Variants in APBA1 observed in about 807,000 individuals in gnomAD.
The protein encoded by APBA1 is amyloid beta precursor protein binding family A member 1.
A neutral mutation model predicts 86.6 loss-of-function variants in APBA1; 55 were observed. That is an observed-to-expected ratio of 0.64 (90% CI 0.51 to 0.80). APBA1 has a LOEUF of 0.80. APBA1 is among the 30% of genes least tolerant of loss of function. The pLI, the probability that APBA1 is intolerant of heterozygous loss-of-function variation, is 0.00. For synonymous variants in APBA1, 511 were observed against 493.9 expected, an observed-to-expected ratio of 1.03 and a Z score of -0.46; for missense variants, 1,090 against 1,183.0, an observed-to-expected ratio of 0.92 and a Z score of 1.15.
chr9:69,563,337 T>C (rs1346627719), intron 1 of APBA1, among the ~76,000 whole-genome samples: 1 of 151,942 alleles, frequency 6.6e-6, no homozygotes, highest in African/African-American at 2.4e-5. Flanking sequence ...ACTAAATTTC[T>C]CTACTTTTAC....
At chr9:69,460,842 G>C (rs1382383572) in intron 5 of APBA1, 1 of 151,984 alleles carries the variant, frequency 6.6e-6, no homozygotes, top group African/African-American at 2.4e-5. Flanking sequence ...CAATTCTCGT[G>C]CCTCAGCCTC....
chr9:69,659,570 GT>G (rs1448777395), intron 1 of APBA1, among the ~76,000 whole-genome samples: 1 of 152,078 alleles, frequency 6.6e-6, no homozygotes, highest in African/African-American at 2.4e-5. Context: ...TTTGAAAACA[GT>G]CTTTGCACTG....
chr9:69,655,324 A>ATATGTG (rs199513029), intron 1 of APBA1, among the ~76,000 whole-genome samples: 2,859 of 152,284 alleles, frequency 0.019, 32 homozygotes, highest in Non-Finnish European at 0.029. Context: ...ATGTGTGTAT[A>ATATGTG]TATATATGTA....
intron 1 of APBA1, among the ~76,000 whole-genome samples, chr9:69,530,686 C>T (rs1836417051): frequency 6.6e-6 from 1 of 152,158 alleles, no homozygotes; most frequent in African/African-American, 2.4e-5. Context: ...ACCCATGTAA[C>T]AAACATACAC....
chr9:69,537,044 T>G (rs1410488672), intron 1 of APBA1, among the ~76,000 whole-genome samples: 2 of 148,984 alleles, frequency 1.3e-5, no homozygotes, highest in African/African-American at 2.5e-5. Flanking sequence ...CGCACTAAGA[T>G]ATATATATAT....
At chr9:69,552,518 C>T (rs746950974) in intron 1 of APBA1, among the ~76,000 whole-genome samples, 16 of 152,204 alleles carry the variant, frequency 1.1e-4, no homozygotes, top group Non-Finnish European at 2.1e-4. Flanking sequence ...GATGAATTTA[C>T]AACCCAATTT....
chr9:69,580,739 A>T (rs145236268), intron 1 of APBA1, among the ~76,000 whole-genome samples: 2,082 of 152,240 alleles, frequency 0.014, 50 homozygotes, highest in African/African-American at 0.047. Flanking sequence ...GTTCCACATG[A>T]CACATACTGA....
rs2133774617 is a variant in APBA1 at position 69,430,098 on chromosome 9, C to T, written c.*1229G>A. ...TGTTTATGGACCACATCTGGGGATT[C>T]TGAGGCATAACTTGAGGTTGCTATT... is the stretch of plus-strand genomic sequence containing the variant. On this transcript the variant is annotated 3_prime_UTR_variant, in exon 13 of 13. Coordinates refer to ENST00000265381, the MANE Select transcript of APBA1 (RefSeq NM_001163.4). 6.6e-6 allele frequency: 1 copy of T among 152,350 alleles called. No individual in the cohort carries two copies. Among genetic ancestry groups the T allele is most frequent in the South Asian group, 2.1e-4 (1 of 4,826 alleles). 9.4% of individuals were successfully genotyped at this position (152,350 alleles called of 1,614,324 possible).
At position 69,431,168 on chromosome 9, in the gene APBA1, C is replaced by T. The variant is rs75185391; in HGVS notation, c.*159G>A. 1,166 of 428,440 alleles carry T rather than the reference C, an allele frequency of 2.7e-3. 10 individuals carry two copies. Among genetic ancestry groups the T allele is most frequent in the African/African-American group, 0.015 (726 of 47,126 alleles). The allele number at this position is 428,440 out of a possible 1,614,324, so 26.5% of individuals were successfully genotyped here. On this transcript the variant is annotated 3_prime_UTR_variant, in exon 13 of 13. Transcript: ENST00000265381. Reference sequence around the variant, plus strand: ...AAAAAAAAAAAAAAAAAAAGCAAATCGGAGAGAGTAAAGAGGTCCTTGTGG... The same window carrying T: ...AAAAAAAAAAAAAAAAAAAGCAAATTGGAGAGAGTAAAGAGGTCCTTGTGG...
At chr9:69,506,199 C>T (rs900306894) in intron 2 of APBA1, among the ~76,000 whole-genome samples, 21 of 151,914 alleles carry the variant, frequency 1.4e-4, no homozygotes, top group Admixed American at 1.2e-3. Flanking sequence ...GGGCGCAGGT[C>T]AGTGGGTGCG....
chr9:69,461,363 A>T (rs1399389967), intron 5 of APBA1: 4 of 152,096 alleles, frequency 2.6e-5, no homozygotes, highest in Non-Finnish European at 4.4e-5. Context: ...TCCATCCACA[A>T]TGTGTACTGA....
At chr9:69,568,814 T>C (rs1837070725) in intron 1 of APBA1, among the ~76,000 whole-genome samples, 1 of 152,214 alleles carries the variant, frequency 6.6e-6, no homozygotes, top group African/African-American at 2.4e-5. Context: ...GGTAGAATTA[T>C]TGCAAAGAAT....
At chr9:69,482,299 A>G (rs1489530940) in intron 2 of APBA1, among the ~76,000 whole-genome samples, 2 of 152,128 alleles carry the variant, frequency 1.3e-5, no homozygotes, top group Non-Finnish European at 1.5e-5. Context: ...AACCTCATCA[A>G]AAAGTGGGCA....
At chr9:69,643,505 T>C (rs1425949430) in intron 1 of APBA1, among the ~76,000 whole-genome samples, 1 of 152,220 alleles carries the variant, frequency 6.6e-6, no homozygotes, top group Non-Finnish European at 1.5e-5. Flanking sequence ...CTCCTCCTCA[T>C]GGACCCATGG....
intron 2 of APBA1, among the ~76,000 whole-genome samples, chr9:69,492,044 C>A (rs1265717983): frequency 6.6e-6 from 1 of 152,144 alleles, no homozygotes; most frequent in East Asian, 1.9e-4. Flanking sequence ...GGATTACAGG[C>A]ATGAGCCACT....
intron 11 of APBA1, 78 bp from the exon 12 acceptor site, chr9:69,432,754 C>T: frequency 7.4e-7 from 1 of 1,343,008 alleles, no homozygotes; most frequent in Non-Finnish European, 9.8e-7. Flanking sequence ...CTGAAAGCCC[C>T]CTGCCCCTAC....
intron 1 of APBA1, among the ~76,000 whole-genome samples, chr9:69,565,414 G>A (rs768040026): frequency 7.9e-5 from 12 of 152,008 alleles, no homozygotes; most frequent in Non-Finnish European, 1.6e-4. Context: ...AGTCTCCAGC[G>A]AGCCCATCAG....
intron 2 of APBA1, among the ~76,000 whole-genome samples, chr9:69,496,847 AT>A (rs1835806595): frequency 6.6e-6 from 1 of 151,982 alleles, no homozygotes; most frequent in Non-Finnish European, 1.5e-5. Flanking sequence ...CATTTCCCCC[AT>A]TATCACTCTT....
chr9:69,569,473 GTGT>G (rs1455157523), intron 1 of APBA1, among the ~76,000 whole-genome samples: 2 of 151,832 alleles, frequency 1.3e-5, no homozygotes, highest in East Asian at 3.9e-4. Flanking sequence ...GTGTGTGTGT[GTGT>G]GTGTGTGTGT....
Sources: allele counts gnomAD v4.1 joint callset (sites outside exome capture counted in the v4.1 genomes callset), GRCh38; gene constraint gnomAD v4.1.1; transcripts MANE v1.5; gene names NCBI Gene and HGNC (gene_info 2026-07-23, HGNC 2026-07-21).